Variants in C16orf96 observed in about 807,000 individuals in gnomAD.
C16orf96 encodes uncharacterized protein C16orf96.
A neutral mutation model predicts 103.6 loss-of-function variants in C16orf96; 108 were observed. The ratio of observed to expected loss-of-function variants is 1.04; its 90% CI spans 0.89 to 1.22. The LOEUF (loss-of-function observed/expected upper bound fraction) is 1.22, where lower values mean the gene tolerates loss of function less well. C16orf96 is among the 50% of genes most tolerant of loss of function. C16orf96 has a pLI of 0.00. For synonymous variants in C16orf96, 566 were observed against 593.5 expected (o/e 0.95, Z 0.67); for missense variants, 1,586 against 1,464.2 (o/e 1.08, Z -1.36).
chr16:4,562,792 T>C, intron 1 of C16orf96: 1 of 1,216,426 alleles, frequency 8.2e-7, no homozygotes, highest in Non-Finnish European at 1.2e-6. Flanking sequence ...GTACAGGTTT[T>C]ATTTATATGG....
chr16:4,558,567 ACT>A (rs1045572609), intron 1 of C16orf96, among the ~76,000 whole-genome samples: 4 of 151,632 alleles, frequency 2.6e-5, no homozygotes, highest in African/African-American at 7.3e-5. Context: ...AGTTGTAGTC[ACT>A]CTCCTGAACT....
At chr16:4,591,470 C>T (rs1897057557) in intron 9 of C16orf96, among the ~76,000 whole-genome samples, 196 bp from the exon 10 acceptor site, 1 of 152,028 alleles carries the variant, frequency 6.6e-6, no homozygotes, top group African/African-American at 2.4e-5. Context: ...TTGCAGCTCC[C>T]CTCTACCAAT....
At chr16:4,570,361 T>C (rs1171669430) in intron 1 of C16orf96, among the ~76,000 whole-genome samples, 1 of 152,056 alleles carries the variant, frequency 6.6e-6, no homozygotes, top group Non-Finnish European at 1.5e-5. Context: ...TATAAAGGGC[T>C]CTGTTAAGTG....
chr16:4,544,051 A>G, the C16orf96 span, among the ~76,000 whole-genome samples: 9 of 152,108 alleles, frequency 5.9e-5, no homozygotes, highest in African/African-American at 1.7e-4. Flanking sequence ...CAGAGGAAGG[A>G]CCTGTGGAAA....
chr16:4,598,657 G>A (rs774699402), intron 14 of C16orf96, among the ~76,000 whole-genome samples: 47 of 152,306 alleles, frequency 3.1e-4, no homozygotes, highest in Non-Finnish European at 6.3e-4. Context: ...GAAGATGGGG[G>A]CATTTAGGTG....
chr16:4,579,057 A>G, intron 6 of C16orf96, 32 bp downstream of exon 6: 1 of 1,540,244 alleles, frequency 6.5e-7, no homozygotes, highest in African/African-American at 1.4e-5. Flanking sequence ...CTTTTGAGGC[A>G]GTGATGGCTT....
At chr16:4,589,632 C>T (rs920766605) in intron 9 of C16orf96, among the ~76,000 whole-genome samples, 2 of 151,670 alleles carry the variant, frequency 1.3e-5, no homozygotes, top group Admixed American at 1.3e-4. Context: ...GCAGAACAAC[C>T]AAAAGCAACA....
rs2059484722 is a variant in C16orf96, at chr16:4,575,057, C to T, written c.692C>T (p.Ser231Leu). The T allele has an allele frequency of 1.3e-6, 2 of 1,551,440 alleles. No individual in the cohort carries two copies. Among genetic ancestry groups the T allele is most frequent in the African/African-American group, 2.7e-5 (2 of 73,182 alleles). ...GGCCTTCATGATGCCATGTTCACCT[C>T]AGTGAGTGAGGAAGGAAGGGGAGGT... The part of the protein sequence containing the change: ...WSGLHDAMFT[S>L]EIGSSPLDLW... Residue 231 changes from serine (S) to leucine (L), a missense_variant and splice_region_variant, in exon 4 of 16, where the codon TCA (serine) becomes TTA (leucine). Ser to Leu is a moderately radical substitution (Grantham distance 145). Transcript: ENST00000444310.
chr16:4,585,985 C>T (rs985133506), intron 7 of C16orf96, among the ~76,000 whole-genome samples: 1 of 152,128 alleles, frequency 6.6e-6, no homozygotes, highest in African/African-American at 2.4e-5. Flanking sequence ...TGGAGCCAGG[C>T]GCGGTGGCTC....
At chr16:4,580,303 T>TC (rs769833492) in intron 7 of C16orf96, among the ~76,000 whole-genome samples, 178 bp downstream of exon 7, 11 of 72,992 alleles carry the variant, frequency 1.5e-4, no homozygotes, top group East Asian at 1.5e-3. Flanking sequence ...AGCAAACGAA[T>TC]CCCACCACCC....
chr16:4,581,633 AAAAAAC>A (rs897572215), intron 7 of C16orf96, among the ~76,000 whole-genome samples: 72 of 152,072 alleles, frequency 4.7e-4, no homozygotes, highest in African/African-American at 1.7e-3. Flanking sequence ...ACTCCGTCTC[AAAAAAC>A]AAAAACAAAA....
intron 9 of C16orf96, among the ~76,000 whole-genome samples, chr16:4,591,135 A>C (rs1235174046): frequency 2.0e-5 from 3 of 152,052 alleles, no homozygotes; most frequent in Non-Finnish European, 4.4e-5. Flanking sequence ...TGCAGTGAGC[A>C]GAGATTGCAC....
chr16:4,587,396 CA>C (rs1175196726), intron 8 of C16orf96, among the ~76,000 whole-genome samples: 1 of 152,022 alleles, frequency 6.6e-6, no homozygotes, highest in East Asian at 1.9e-4. Context: ...GGCGTGGTGG[CA>C]GGTAACTGTA....
chr16:4,552,481 CAAA>C (rs58618088), upstream of C16orf96, among the ~76,000 whole-genome samples: 4 of 67,878 alleles, frequency 5.9e-5, no homozygotes, highest in Admixed American at 1.6e-4. Context: ...GACTCTGTCT[CAAA>C]AAAAAAAAAA....
rs1210339974 is a variant in C16orf96, at chr16:4,600,267, A to C, written c.3376A>C (p.Ile1126Leu). The part of the protein sequence containing the change: ...GSTRLSRAPH[I>L]ESRVGRKPPE... Reference sequence around the variant, plus strand: ...CACCAGGCTCTCAAGAGCTCCACACATTGAGTCCCGAGTCGGCAGGAAGCC... The same window carrying C: ...CACCAGGCTCTCAAGAGCTCCACACCTTGAGTCCCGAGTCGGCAGGAAGCC... The change falls in exon 16 of 16, where the codon ATT (isoleucine) becomes CTT (leucine). Residue 1126 changes from isoleucine to leucine, a missense_variant. Transcript: ENST00000444310. The C allele has an allele frequency of 4.5e-6, 7 of 1,551,164 alleles. No individual in the cohort carries two copies. The highest frequency in any genetic ancestry group is 6.1e-6 in the Non-Finnish European group (7 of 1,146,896).
chr16:4,593,330 GCGCCCCGCAGGGAGGC>G lies in C16orf96; in HGVS notation c.2867+24_2867+39del, dbSNP rs1350038051. 1 of 1,549,126 alleles carries G rather than the reference GCGCCCCGCAGGGAGGC, an allele frequency of 6.5e-7. No individual in the cohort carries two copies. Among genetic ancestry groups the G allele is most frequent in the Non-Finnish European group, 8.7e-7 (1 of 1,146,224 alleles). Reference sequence around the variant, plus strand: ...GCAACAGATGAGGTGAGCAGGATGGGCGCCCCGCAGGGAGGCCGCCCCGCATGGAGGCCACTCTGGA... The same window carrying G: ...GCAACAGATGAGGTGAGCAGGATGGGCGCCCCGCATGGAGGCCACTCTGGA... On this transcript the variant is annotated intron_variant, in intron 12 of 15. Coordinates refer to ENST00000444310, the MANE Select transcript of C16orf96 (RefSeq NM_001145011.2). This position sits in a 1 kb window ranked among gnomAD's most constrained non-coding sequence, Gnocchi z 4.2.
In C16orf96 at chr16:4,575,211, T is replaced by C. The variant is rs777206248; in HGVS notation, c.731T>C (p.Val244Ala). Residue 244 changes from valine (V) to alanine (A), a missense_variant, in exon 5 of 16, where the codon GTA (valine) becomes GCA (alanine). Val to Ala is a moderately conservative substitution (Grantham distance 64). Coordinates refer to ENST00000444310, the MANE Select transcript of C16orf96 (RefSeq NM_001145011.2). Reference sequence around the variant, plus strand: ...TCACCACTGGACCTGTGGCAGTCTGTAGAGCAGCTCCCAGAGGCTGCCCTG... The same window carrying C: ...TCACCACTGGACCTGTGGCAGTCTGCAGAGCAGCTCCCAGAGGCTGCCCTG... ...GSSPLDLWQSVEQLPEAALAQ... is the reference protein window; with the variant it reads ...GSSPLDLWQSAEQLPEAALAQ... The C allele has an allele frequency of 1.4e-5, 21 of 1,547,366 alleles. No individual in the cohort carries two copies. The South Asian group carries it at 2.0e-4, about 15-fold the overall frequency.
chr16:4,577,850 G>A (rs1279748107), intron 5 of C16orf96, among the ~76,000 whole-genome samples: 2 of 152,174 alleles, frequency 1.3e-5, no homozygotes, highest in Non-Finnish European at 2.9e-5. Context: ...CAGCTACCTC[G>A]GAGGCTGAGA....
At chr16:4,592,772 G>T (rs1330961385) in intron 11 of C16orf96, among the ~76,000 whole-genome samples, 1 of 152,224 alleles carries the variant, frequency 6.6e-6, no homozygotes, top group African/African-American at 2.4e-5. Context: ...GCTGAGATGG[G>T]AGGATGGCTT....
Sources: gnomAD v4.1 joint callset for allele counts (sites outside exome capture counted in the v4.1 genomes callset) on GRCh38, gnomAD v4.1.1 for gene constraint, Gnocchi (gnomAD v3.1) non-coding constraint, MANE v1.5 for transcripts, NCBI Gene and HGNC (gene_info 2026-07-23, HGNC 2026-07-21) for gene names.